Variants in GTF2E1 observed in about 807,000 individuals in gnomAD.
GTF2E1 encodes the protein TFIIE alpha subunit.
Under a neutral mutation model 34.9 loss-of-function variants are expected in GTF2E1, and 14 were observed. The ratio of observed to expected loss-of-function variants is 0.40; its 90% CI spans 0.27 to 0.63. The LOEUF is 0.63. Ranked by LOEUF, GTF2E1 falls within the 20% of genes least tolerant of loss-of-function variation. The pLI, the probability that GTF2E1 is intolerant of heterozygous loss-of-function variation, is 0.39. For missense variants in GTF2E1, 469 were observed against 557.7 expected (o/e 0.84, Z 1.60); for synonymous variants, 188 against 192.9 (o/e 0.97, Z 0.21).
chr3:120,779,958 A>G (rs959621124), intron 4 of GTF2E1, among the ~76,000 whole-genome samples: 3 of 152,358 alleles, frequency 2.0e-5, no homozygotes, highest in South Asian at 4.1e-4. Flanking sequence ...CAGAATGCAG[A>G]TGGTTTTCTT....
intron 1 of GTF2E1, among the ~76,000 whole-genome samples, chr3:120,750,159 G>A (rs542716186): frequency 3.9e-5 from 6 of 152,258 alleles, no homozygotes; most frequent in South Asian, 2.1e-4. Flanking sequence ...TAGGAAATGC[G>A]AACTGCTAGT....
At chr3:120,773,172 A>T (rs1709367006) in intron 3 of GTF2E1, among the ~76,000 whole-genome samples, 1 of 152,090 alleles carries the variant, frequency 6.6e-6, no homozygotes, top group Admixed American at 6.6e-5. Context: ...AGGTTAGAAG[A>T]TGTTACCCAG....
rs1709455750 is a variant in GTF2E1, at chr3:120,782,306, G to C, written c.*836G>C. 2 of 152,182 alleles carry C rather than the reference G, an allele frequency of 1.3e-5. No homozygotes were observed. The highest frequency in any genetic ancestry group is 6.5e-5 in the Admixed American group (1 of 15,278). 9.4% of individuals were successfully genotyped at this position (152,182 alleles called of 1,614,324 possible). ...GGGGAGGTGGGAGCGTGTGTGGAAG[G>C]GGGAGAGATATACTTGAGTCTTATG... On this transcript the variant is annotated 3_prime_UTR_variant, in exon 5 of 5. Transcript: ENST00000283875.
At chr3:120,755,504 G>T (rs562756772) in intron 2 of GTF2E1, among the ~76,000 whole-genome samples, 1 of 152,088 alleles carries the variant, frequency 6.6e-6, no homozygotes, top group African/African-American at 2.4e-5. Context: ...ATTTTTTGTG[G>T]CTAAATAGGT....
intron 2 of GTF2E1, among the ~76,000 whole-genome samples, chr3:120,765,296 A>G (rs896997101): frequency 6.7e-6 from 1 of 148,944 alleles, no homozygotes; most frequent in African/African-American, 2.4e-5. Context: ...TTTATAAAAG[A>G]TATTTTTTTC....
At position 120,750,889 on chromosome 3, in the gene GTF2E1, A is replaced by C. The variant is rs1408218229; in HGVS notation, c.337A>C (p.Arg113=). Residue 113 remains arginine (R), a synonymous_variant, in exon 2 of 5, where the codon AGA becomes CGA. Coordinates refer to ENST00000283875, the MANE Select transcript of GTF2E1 (RefSeq NM_005513.3). ...VKYKLDHMRR[R]IETDERDSTN... ...ATATAAACTGGACCACATGAGAAGAAGAATTGAGACCGATGAGAGAGATTC... is the reference window on the plus strand; with the variant it reads ...ATATAAACTGGACCACATGAGAAGACGAATTGAGACCGATGAGAGAGATTC... The C allele has an allele frequency of 1.2e-6, 2 of 1,613,836 alleles. No individual in the cohort carries two copies. Among genetic ancestry groups the C allele is most frequent in the Non-Finnish European group, 1.7e-6 (2 of 1,179,844 alleles).
At chr3:120,758,628 G>A (rs1164992271) in intron 2 of GTF2E1, among the ~76,000 whole-genome samples, 1 of 151,676 alleles carries the variant, frequency 6.6e-6, no homozygotes, top group Admixed American at 6.6e-5. Flanking sequence ...GTGTCCATGT[G>A]TTCTCGTTGT....
chr3:120,781,519 A>G lies in GTF2E1; in HGVS notation c.*49A>G, dbSNP rs762508583. 1 of 1,421,386 alleles carries G rather than the reference A, an allele frequency of 7.0e-7. No homozygotes were observed. The highest frequency in any genetic ancestry group is 9.8e-7 in the Non-Finnish European group (1 of 1,017,734). The allele number at this position is 1,421,386 out of a possible 1,614,324, so 88.0% of individuals were successfully genotyped here. A position where few individuals can be genotyped will look rare whatever the true frequency, so the allele number is the denominator to read the frequency against. ...TCTCTAATGCTCAGTTCAAAAAGGA[A>G]TGTCTCATCTTTGAAGAAAAGTATT... On this transcript the variant is annotated 3_prime_UTR_variant, in exon 5 of 5. Coordinates refer to ENST00000283875, the MANE Select transcript of GTF2E1 (RefSeq NM_005513.3).
chr3:120,742,996 G>A (rs1199224132), intron 1 of GTF2E1: 1 of 186,922 alleles, frequency 5.3e-6, no homozygotes, highest in Non-Finnish European at 1.2e-5. Flanking sequence ...GCTGCGCCGA[G>A]TGTGGCCCTG....
rs1452824348 is a variant in GTF2E1, at chr3:120,776,484, G to A, written c.712G>A (p.Ala238Thr). 3 of 1,613,822 alleles carry A rather than the reference G, an allele frequency of 1.9e-6. No homozygotes were observed. Among genetic ancestry groups the A allele is most frequent in the Non-Finnish European group, 2.5e-6 (3 of 1,179,798 alleles). ...ASLAGGHHRE[A>T]WATKGPSYED... Reference sequence around the variant, plus strand: ...CCTAGCAGGTGGGCACCACCGGGAAGCATGGGCCACCAAAGGTCCTTCCTA... The same window carrying A: ...CCTAGCAGGTGGGCACCACCGGGAAACATGGGCCACCAAAGGTCCTTCCTA... Residue 238 changes from alanine to threonine, a missense_variant, in exon 4 of 5, where the codon GCA becomes ACA. Transcript: ENST00000283875.
rs1268669119 is a variant in GTF2E1, at chr3:120,751,107, G to A, written c.448+107G>A. On this transcript the variant is annotated intron_variant, in intron 2 of 4. Transcript: ENST00000283875. ...CCATCATATATATTATTATAAAAGT[G>A]AATGGATCAGTGTAAATCACAGCAT... The A allele has an allele frequency of 5.8e-6, 4 of 694,096 alleles. No individual in the cohort carries two copies. In the African/African-American group the frequency reaches 7.2e-5, roughly 13 times the overall value. 43.0% of individuals were successfully genotyped at this position (694,096 alleles called of 1,614,324 possible). A position where few individuals can be genotyped will look rare whatever the true frequency, so the allele number is the denominator to read the frequency against.
At chr3:120,766,559 A>G (rs1274690106) in intron 2 of GTF2E1, among the ~76,000 whole-genome samples, 1 of 152,016 alleles carries the variant, frequency 6.6e-6, no homozygotes, top group African/African-American at 2.4e-5. Flanking sequence ...ATGATGATCT[A>G]GAATGTCCTG....
intron 3 of GTF2E1, 28 bp downstream of exon 3, chr3:120,770,957 A>G: frequency 6.3e-7 from 1 of 1,579,952 alleles, no homozygotes; most frequent in Non-Finnish European, 8.7e-7. Flanking sequence ...GCTCTTACTA[A>G]GAACACATTT....
At chr3:120,761,342 C>T (rs1177946474) in intron 2 of GTF2E1, among the ~76,000 whole-genome samples, 4 of 152,002 alleles carry the variant, frequency 2.6e-5, no homozygotes, top group African/African-American at 9.7e-5. Flanking sequence ...AGCAGTCTAT[C>T]TATTTTGTTG....
rs137869822 is a variant in GTF2E1 at position 120,781,319 on chromosome 3, T to C, written c.1169T>C (p.Val390Ala). Residue 390 changes from valine to alanine, a missense_variant, in exon 5 of 5, where the codon GTA (valine) becomes GCA (alanine). Transcript: ENST00000283875. The stretch of plus-strand genomic sequence containing the variant: ...GAGGAAGATGACGAGTTTGAAGAAG[T>C]AGCAGATGACCCCATTGTCATGGTG... ...DEEEDDEFEE[V>A]ADDPIVMVAG... 327 of 1,614,058 alleles carry C rather than the reference T, an allele frequency of 2.0e-4. 1 individual carries two copies. In the African/African-American group the frequency reaches 4.1e-3, roughly 20 times the overall value.
chr3:120,770,141 C>A (rs1199377371), intron 2 of GTF2E1, among the ~76,000 whole-genome samples: 1 of 152,154 alleles, frequency 6.6e-6, no homozygotes, highest in Non-Finnish European at 1.5e-5. Context: ...ATGCATATTC[C>A]TGTCTTTGGG....
chr3:120,755,068 A>G (rs1709197208), intron 2 of GTF2E1, among the ~76,000 whole-genome samples: 1 of 152,202 alleles, frequency 6.6e-6, no homozygotes, highest in South Asian at 2.1e-4. Context: ...AAGACTTAGC[A>G]ACAGATTTTA....
At chr3:120,772,133 C>G (rs1709356959) in intron 3 of GTF2E1, among the ~76,000 whole-genome samples, 1 of 152,108 alleles carries the variant, frequency 6.6e-6, no homozygotes, top group Non-Finnish European at 1.5e-5. Context: ...TGTCCAAATG[C>G]AGAAAAAGGG....
chr3:120,753,220 C>T (rs558082968), intron 2 of GTF2E1, among the ~76,000 whole-genome samples: 2 of 151,596 alleles, frequency 1.3e-5, no homozygotes, highest in South Asian at 4.2e-4. Flanking sequence ...TCTTGTTTTG[C>T]TCGGTATTCA....
Sources: gnomAD v4.1 joint callset for allele counts (sites outside exome capture counted in the v4.1 genomes callset) on GRCh38, gnomAD v4.1.1 for gene constraint, MANE v1.5 for transcripts, NCBI Gene and HGNC (gene_info 2026-07-23, HGNC 2026-07-21) for gene names.